Variants in WDFY3 observed in about 807,000 individuals in gnomAD.
WDFY3 encodes WD repeat and FYVE domain containing 3, also known as WD repeat and FYVE domain-containing protein 3.
WDFY3 carries 66 observed loss-of-function variants against 409.6 expected under a neutral mutation model. The ratio of observed to expected loss-of-function variants is 0.16; its 90% CI spans 0.13 to 0.20. The LOEUF (loss-of-function observed/expected upper bound fraction) is 0.20. WDFY3 is among the 10% of genes least tolerant of loss of function. The probability of loss-of-function intolerance (pLI) is 1.00; values close to 1 mark genes in which losing one functional copy is unlikely to be tolerated. For synonymous variants in WDFY3, 1,521 were observed against 1,537.1 expected, an observed-to-expected ratio of 0.99 and a Z score of 0.25; for missense variants, 3,031 against 4,298.1, an observed-to-expected ratio of 0.71 and a Z score of 8.24.
chr4:84,839,934 G>A, intron 6 of WDFY3, among the ~76,000 whole-genome samples: 1 of 152,058 alleles, frequency 6.6e-6, no homozygotes, highest in Non-Finnish European at 1.5e-5. Context: ...TCATTCCGAG[G>A]ACAAAATTCT....
chr4:84,928,129 CAGA>C (rs566872876), intron 2 of WDFY3, among the ~76,000 whole-genome samples: 11 of 152,194 alleles, frequency 7.2e-5, no homozygotes, highest in African/African-American at 1.4e-4. Context: ...AACAAAAAAG[CAGA>C]AGAAGGGTGA....
At chr4:84,890,975 GC>G (rs1764871914) in intron 3 of WDFY3, among the ~76,000 whole-genome samples, 1 of 152,060 alleles carries the variant, frequency 6.6e-6, no homozygotes, top group African/African-American at 2.4e-5. Flanking sequence ...AATTTTAAGT[GC>G]CACAAAACAT....
intron 2 of WDFY3, among the ~76,000 whole-genome samples, chr4:84,910,643 C>G (rs1164520238): frequency 6.6e-6 from 1 of 151,904 alleles, no homozygotes; most frequent in Non-Finnish European, 1.5e-5. Context: ...GGGTCATAGA[C>G]CTAAATTTAA....
intron 19 of WDFY3, among the ~76,000 whole-genome samples, chr4:84,795,917 A>G (rs992216061): frequency 1.3e-5 from 2 of 152,126 alleles, no homozygotes; most frequent in Admixed American, 6.5e-5. Context: ...CTTTTCTGCC[A>G]CTTGAAATAA....
intron 1 of WDFY3, among the ~76,000 whole-genome samples, chr4:84,948,705 T>C (rs7682175): frequency 0.013 from 1,927 of 152,296 alleles, 51 homozygotes; most frequent in African/African-American, 0.043. Flanking sequence ...CCTTTTCCTG[T>C]TTATAGCTCA....
intron 1 of WDFY3, among the ~76,000 whole-genome samples, chr4:84,938,183 T>C (rs1460031564): frequency 6.6e-6 from 1 of 152,138 alleles, no homozygotes; most frequent in African/African-American, 2.4e-5. Flanking sequence ...ATCTGGCACA[T>C]AGCAGGCATC....
intron 51 of WDFY3, among the ~76,000 whole-genome samples, chr4:84,712,614 G>A (rs1232873871): frequency 1.3e-5 from 2 of 151,624 alleles, no homozygotes; most frequent in East Asian, 2.0e-4. Context: ...CCAGCTACTC[G>A]GGAGGCTGAG....
intron 6 of WDFY3, among the ~76,000 whole-genome samples, chr4:84,839,813 G>A (rs571168701): frequency 6.6e-5 from 10 of 151,562 alleles, no homozygotes; most frequent in South Asian, 2.1e-4. Context: ...AGCCGAGGCC[G>A]CACCATTGCA....
At position 84,702,521 on chromosome 4, in the gene WDFY3, A is replaced by C; in HGVS notation, c.8443-15T>G. On this transcript the variant is annotated splice_polypyrimidine_tract_variant and intron_variant, in intron 55 of 67. Transcript: ENST00000295888. ...AAGTGGCCACCCTGTGGGCAGAATA[A>C]GACACCTCTCTATTAGAGAACCGTT... The C allele has an allele frequency of 6.3e-7, 1 of 1,582,218 alleles. No individual in the cohort carries two copies. Among genetic ancestry groups the C allele is most frequent in the Non-Finnish European group, 8.6e-7 (1 of 1,167,584 alleles).
chr4:84,785,476 TC>T (rs1234679641), intron 24 of WDFY3, among the ~76,000 whole-genome samples: 2 of 152,122 alleles, frequency 1.3e-5, no homozygotes, highest in Admixed American at 1.3e-4. Flanking sequence ...CTTCTCTCTT[TC>T]CCCTTCCCTG....
chr4:84,679,691 A>T (rs529335411), intron 64 of WDFY3, among the ~76,000 whole-genome samples: 1 of 152,032 alleles, frequency 6.6e-6, no homozygotes, highest in Non-Finnish European at 1.5e-5. Context: ...CAGCTTAAAC[A>T]TTCTTGTCTC....
At chr4:84,841,491 A>G (rs764517639) in intron 5 of WDFY3, among the ~76,000 whole-genome samples, 1 of 152,238 alleles carries the variant, frequency 6.6e-6, no homozygotes, top group Non-Finnish European at 1.5e-5. Context: ...AAAAGTTATG[A>G]CAGGAGCTAA....
intron 8 of WDFY3, among the ~76,000 whole-genome samples, chr4:84,829,537 CA>C (rs554627289): frequency 6.6e-6 from 1 of 151,386 alleles, no homozygotes; most frequent in South Asian, 2.1e-4. Context: ...ATGAAAAAAG[CA>C]AAAAAACTAT....
intron 54 of WDFY3, 99 bp downstream of exon 54, chr4:84,705,295 T>C: frequency 1.2e-6 from 1 of 854,466 alleles, no homozygotes; most frequent in Non-Finnish European, 1.9e-6. Context: ...ATATGATATA[T>C]AAGCAATTTG....
In WDFY3 at chr4:84,781,391, TG is replaced by T. The variant is rs1352935931; in HGVS notation, c.4175-1094del. On this transcript the variant is annotated intron_variant, in intron 25 of 67. Coordinates refer to ENST00000295888, the MANE Select transcript of WDFY3 (RefSeq NM_014991.6). ...ATACTTTCTTTCCTTCTTTCCCTTT[TG>T]TTTTTTTTTTTTTTTTTTGAGACAG... Among the ~76,000 whole-genome samples, 1,203 of 148,420 alleles carry T rather than the reference TG, an allele frequency of 8.1e-3. 29 individuals carry two copies. The highest frequency in any genetic ancestry group is 0.017 in the African/African-American group (688 of 39,718).
At chr4:84,865,220 T>A (rs1426253650) in intron 3 of WDFY3, among the ~76,000 whole-genome samples, 1 of 152,174 alleles carries the variant, frequency 6.6e-6, no homozygotes, top group Non-Finnish European at 1.5e-5. Flanking sequence ...AAAATACACA[T>A]GATCACATTA....
At chr4:84,814,136 G>A (rs1197444550) in intron 13 of WDFY3, among the ~76,000 whole-genome samples, 6 of 152,168 alleles carry the variant, frequency 3.9e-5, no homozygotes, top group Non-Finnish European at 8.8e-5. Context: ...ACGCCACTAT[G>A]GCATAAGGAT....
chr4:84,678,354 G>T, intron 65 of WDFY3, 75 bp from the exon 66 acceptor site: 1 of 1,126,846 alleles, frequency 8.9e-7, no homozygotes, highest in Non-Finnish European at 1.3e-6. Context: ...ACTCTAAGAT[G>T]GTGGCCTTAA....
chr4:84,810,036 G>T lies in WDFY3; in HGVS notation c.2196C>A (p.Ser732Arg), dbSNP rs761030925. The T allele has an allele frequency of 6.2e-7, 1 of 1,614,142 alleles. No homozygotes were observed. Among genetic ancestry groups the T allele is most frequent in the South Asian group, 1.1e-5 (1 of 91,086 alleles). The part of the protein sequence containing the change: ...LGCFSDLRKI[S>R]AMNVFPSNTQ... ...TATTTGAGGGGAAGACATTCATGGC[G>T]CTTATTTTTCTTAGGTCTGAGAAGC... is the stretch of plus-strand genomic sequence containing the variant. Residue 732 changes from serine to arginine, a missense_variant, in exon 14 of 68, where the codon AGC (serine) becomes AGA (arginine). Ser to Arg is a moderately radical substitution (Grantham distance 110). Around this residue, in one of 16 missense-constraint regions of WDFY3, gnomAD observed 1,322 missense variants for 1,697.9 expected, o/e 0.78. Transcript: ENST00000295888.
Sources: gnomAD v4.1 joint callset for allele counts (sites outside exome capture counted in the v4.1 genomes callset) on GRCh38, gnomAD v4.1.1 for gene constraint, gnomAD v4.1.1 regional missense constraint, MANE v1.5 for transcripts, NCBI Gene and HGNC (gene_info 2026-07-23, HGNC 2026-07-21) for gene names.